FSTL4: variants seen among roughly 807,000 people sequenced by gnomAD.
FSTL4 encodes follistatin-related protein 4.
In FSTL4, 28 loss-of-function variants were observed where a neutral mutation model predicts 78.2. The observed-to-expected ratio is 0.36, with a 90% CI of 0.27 to 0.49. FSTL4 has a LOEUF of 0.49. Among genes scored for constraint, FSTL4 ranks in the 20% least tolerant of loss-of-function variants. The pLI is 0.98. For synonymous variants in FSTL4, 422 were observed against 440.5 expected (o/e 0.96, Z 0.53); for missense variants, 922 against 1,084.9 (o/e 0.85, Z 2.11).
chr5:133,797,501 C>G, the FSTL4 span, among the ~76,000 whole-genome samples: 1 of 152,164 alleles, frequency 6.6e-6, no homozygotes, highest in African/African-American at 2.4e-5. Flanking sequence ...GTCTTAGGAT[C>G]TCTATTTTAG....
intron 3 of FSTL4, among the ~76,000 whole-genome samples, chr5:133,490,920 G>A (rs1271860103): frequency 6.6e-6 from 1 of 152,134 alleles, no homozygotes; most frequent in Non-Finnish European, 1.5e-5. Context: ...CGGACACAAA[G>A]AAAGGAACAA....
chr5:133,664,319 T>TA, the FSTL4 span, among the ~76,000 whole-genome samples: 3 of 135,022 alleles, frequency 2.2e-5, no homozygotes, highest in Non-Finnish European at 4.8e-5. Context: ...TCTTTTTTTT[T>TA]TAAAAAAAAT....
chr5:133,211,202 C>G (rs1750701153), intron 13 of FSTL4, among the ~76,000 whole-genome samples: 1 of 152,168 alleles, frequency 6.6e-6, no homozygotes, highest in African/African-American at 2.4e-5. Flanking sequence ...TCCTATGGCC[C>G]TGTCAAATGA....
intron 6 of FSTL4, among the ~76,000 whole-genome samples, chr5:133,251,667 T>C (rs1369992009): frequency 1.3e-5 from 2 of 152,108 alleles, no homozygotes; most frequent in African/African-American, 2.4e-5. Context: ...GCTGATGTCA[T>C]TGAGATTAAA....
chr5:133,523,481 T>C (rs949886934), intron 3 of FSTL4, among the ~76,000 whole-genome samples: 3 of 152,196 alleles, frequency 2.0e-5, no homozygotes, highest in African/African-American at 7.2e-5. Flanking sequence ...ACATAGCAAG[T>C]TACCTACTTC....
the FSTL4 span, among the ~76,000 whole-genome samples, chr5:133,628,372 TTTTTGAGATGGAG>T: frequency 1.3e-5 from 2 of 151,428 alleles, no homozygotes; most frequent in South Asian, 2.1e-4. Flanking sequence ...TTTTCTTTTT[TTTTTGAGATGGAG>T]TTTTGCTCCT....
the FSTL4 span, among the ~76,000 whole-genome samples, chr5:133,655,074 A>G: frequency 1.3e-5 from 2 of 152,086 alleles, no homozygotes; most frequent in African/African-American, 4.8e-5. Flanking sequence ...TTCCAACCCA[A>G]TATAGCTCAA....
intron 3 of FSTL4, among the ~76,000 whole-genome samples, chr5:133,442,230 G>A (rs1757174104): frequency 1.3e-5 from 2 of 152,236 alleles, no homozygotes; most frequent in South Asian, 4.1e-4. Flanking sequence ...CGTGCCATGG[G>A]ATAACAAGAT....
At chr5:133,312,562 G>A in intron 6 of FSTL4, 92 bp downstream of exon 6, 2 of 1,181,368 alleles carry the variant, frequency 1.7e-6, no homozygotes, top group South Asian at 2.7e-5. Context: ...CAACCTGGGA[G>A]ACAACTGAGG....
intron 2 of FSTL4, among the ~76,000 whole-genome samples, chr5:133,579,679 T>C (rs1292360969): frequency 6.6e-6 from 1 of 152,194 alleles, no homozygotes; most frequent in Admixed American, 6.5e-5. Flanking sequence ...TAACATGATA[T>C]TCCAATCTGC....
intron 2 of FSTL4, among the ~76,000 whole-genome samples, chr5:133,578,088 T>C (rs1394631642): frequency 6.6e-6 from 1 of 151,514 alleles, no homozygotes; most frequent in Non-Finnish European, 1.5e-5. Flanking sequence ...AGCCAGAGAG[T>C]TTAAAGGGAG....
chr5:133,625,968 CAT>C, the FSTL4 span, among the ~76,000 whole-genome samples: 1 of 362 alleles, frequency 2.8e-3, no homozygotes, highest in African/African-American at 6.1e-3. Flanking sequence ...ATATATATTC[CAT>C]ATATATATAT....
the FSTL4 span, among the ~76,000 whole-genome samples, chr5:133,740,237 AG>A: frequency 6.6e-6 from 1 of 152,120 alleles, no homozygotes; most frequent in Non-Finnish European, 1.5e-5. Context: ...GGTGGAAGAC[AG>A]TTGTTTCAAG....
chr5:133,563,666 C>A (rs1027830701), intron 3 of FSTL4, among the ~76,000 whole-genome samples: 13 of 152,232 alleles, frequency 8.5e-5, no homozygotes, highest in African/African-American at 2.9e-4. Context: ...CTGCCTCTTC[C>A]TGGGCTCTCT....
chr5:133,595,132 C>A (rs569889307), intron 2 of FSTL4, among the ~76,000 whole-genome samples: 1 of 152,330 alleles, frequency 6.6e-6, no homozygotes, highest in African/African-American at 2.4e-5. Context: ...CTGGCCTCTG[C>A]AGAGGAAACA....
chr5:133,639,237 A>G, the FSTL4 span, among the ~76,000 whole-genome samples: 14 of 152,268 alleles, frequency 9.2e-5, no homozygotes, highest in East Asian at 2.1e-3. Context: ...TCTCACTCAT[A>G]AGTCAGAGTT....
chr5:133,394,752 C>A (rs1468051662), intron 4 of FSTL4, among the ~76,000 whole-genome samples: 1 of 152,210 alleles, frequency 6.6e-6, no homozygotes, highest in Non-Finnish European at 1.5e-5. Flanking sequence ...CTGCGCGGGA[C>A]TGGCAGGCAG....
At chr5:133,707,569 C>T in the FSTL4 span, among the ~76,000 whole-genome samples, 1 of 152,154 alleles carries the variant, frequency 6.6e-6, no homozygotes. Flanking sequence ...GAGCCCAGAG[C>T]TCTGCATCTG....
At chr5:133,514,784 A>G (rs925632152) in intron 3 of FSTL4, among the ~76,000 whole-genome samples, 16 of 152,252 alleles carry the variant, frequency 1.1e-4, no homozygotes, top group African/African-American at 3.9e-4. Context: ...TAAACAAAGG[A>G]AACAAACCAG....
Sources: allele counts gnomAD v4.1 joint callset (sites outside exome capture counted in the v4.1 genomes callset), GRCh38; gene constraint gnomAD v4.1.1; transcripts MANE v1.5; gene names NCBI Gene and HGNC (gene_info 2026-07-23, HGNC 2026-07-21).